The following SAXO1 variants were observed in gnomAD, a reference collection of about 807,000 sequenced individuals.
SAXO1 encodes the protein 4930500O09Rik.
A neutral mutation model predicts 17.5 loss-of-function variants in SAXO1; 21 were observed. That is an observed-to-expected ratio of 1.20 (90% confidence interval 0.85 to 1.72). The LOEUF is 1.72. Ranked by LOEUF, SAXO1 falls within the 40% of genes most tolerant of loss-of-function variation. The pLI, the probability that SAXO1 is intolerant of heterozygous loss-of-function variation, is 0.00. For synonymous variants in SAXO1, 274 were observed against 216.5 expected, an observed-to-expected ratio of 1.27 and a Z score of -2.33; for missense variants, 843 against 596.0, an observed-to-expected ratio of 1.41 and a Z score of -4.32.
At chr9:18,949,030 C>T (rs769525891) in intron 2 of SAXO1, among the ~76,000 whole-genome samples, 3 of 152,130 alleles carry the variant, frequency 2.0e-5, no homozygotes, top group African/African-American at 4.8e-5. Flanking sequence ...AAAACAAAAG[C>T]AATGCTCAGA....
intron 2 of SAXO1, 146 bp downstream of exon 2, chr9:18,950,612 T>C (rs527378034): frequency 3.0e-6 from 2 of 664,488 alleles, no homozygotes; most frequent in Admixed American, 6.2e-5. Flanking sequence ...TTCAGAGATA[T>C]AGTACATTAA....
At position 19,029,320 on chromosome 9, in the gene SAXO1, C is replaced by G. The variant is rs1054062694; in HGVS notation, c.38+3551G>C. On this transcript the variant is annotated intron_variant, in intron 1 of 3. Transcript: ENST00000380534. ...CCTCCCTGGCAGCCCTGAGGGTCTC[C>G]ACAAATCTCCAGGATTAAAAAATGG... Among the ~76,000 whole-genome samples, 5 of 152,278 alleles carry G rather than the reference C, an allele frequency of 3.3e-5. 1 individual carries two copies. Among genetic ancestry groups the G allele is most frequent in the Admixed American group, 1.3e-4 (2 of 15,290 alleles).
At chr9:18,981,219 A>C (rs1300301641) in intron 1 of SAXO1, among the ~76,000 whole-genome samples, 1 of 152,196 alleles carries the variant, frequency 6.6e-6, no homozygotes, top group African/African-American at 2.4e-5. Context: ...TAATGGAAAG[A>C]AGGGAAAGAA....
At chr9:19,020,734 TGATAAG>T (rs763849109) in intron 1 of SAXO1, among the ~76,000 whole-genome samples, 1 of 152,210 alleles carries the variant, frequency 6.6e-6, no homozygotes, top group Non-Finnish European at 1.5e-5. Context: ...TCAGCACACT[TGATAAG>T]GATGTCTTCT....
intron 2 of SAXO1, among the ~76,000 whole-genome samples, chr9:18,944,003 GC>G (rs1346948444): frequency 3.3e-5 from 5 of 152,332 alleles, no homozygotes; most frequent in Non-Finnish European, 5.9e-5. Flanking sequence ...CACGCTTATT[GC>G]GCATCTCCCA....
chr9:19,032,946 T>A lies in SAXO1; in HGVS notation c.-38A>T. The A allele has an allele frequency of 6.3e-7, 1 of 1,593,482 alleles. No individual in the cohort carries two copies. Among genetic ancestry groups the A allele is most frequent in the East Asian group, 2.3e-5 (1 of 44,298 alleles). On this transcript the variant is annotated 5_prime_UTR_variant, in exon 1 of 4. It removes an upstream start codon present in the reference 5' UTR. Transcript: ENST00000380534. ...GAGGCCCTGACGTCCCCTCAGAGCA[T>A]CGCCAGCTGCAGCCGACTCCTAGAC...
chr9:18,961,561 C>A (rs1396486311), intron 1 of SAXO1, among the ~76,000 whole-genome samples: 1 of 151,748 alleles, frequency 6.6e-6, no homozygotes, highest in Admixed American at 6.6e-5. Context: ...TTGTTCAACT[C>A]CCACTTATGA....
At position 18,986,329 on chromosome 9, in the gene SAXO1, G is replaced by A. The variant is rs189703652; in HGVS notation, c.39-35392C>T. On this transcript the variant is annotated intron_variant, in intron 1 of 3. Transcript: ENST00000380534. ...TCAAAATGTTTTAGCCCCTGGGCAGGAATTTATCACCCTTAGAATATTCCA... is the reference window on the plus strand; with the variant it reads ...TCAAAATGTTTTAGCCCCTGGGCAGAAATTTATCACCCTTAGAATATTCCA... Among the ~76,000 whole-genome samples, 22 of 152,310 alleles carry A rather than the reference G, an allele frequency of 1.4e-4. 2 individuals are homozygous for A. In the East Asian group the frequency reaches 3.7e-3, roughly 25 times the overall value.
intron 1 of SAXO1, among the ~76,000 whole-genome samples, chr9:19,039,954 C>T (rs1455668319): frequency 3.9e-5 from 6 of 152,204 alleles, no homozygotes; most frequent in Non-Finnish European, 4.4e-5. Flanking sequence ...GTTCTGAACT[C>T]CTCACCTCAG....
At chr9:19,026,673 T>C (rs1475211562) in intron 1 of SAXO1, among the ~76,000 whole-genome samples, 1 of 152,104 alleles carries the variant, frequency 6.6e-6, no homozygotes, top group East Asian at 1.9e-4. Flanking sequence ...AGTAAGATAA[T>C]AATATATGGG....
chr9:18,933,363 A>G (rs112653165), intron 3 of SAXO1, among the ~76,000 whole-genome samples: 87 of 152,332 alleles, frequency 5.7e-4, no homozygotes, highest in African/African-American at 2.1e-3. Flanking sequence ...TAAATCTCAT[A>G]GTTTTATAAA....
intron 3 of SAXO1, among the ~76,000 whole-genome samples, chr9:18,930,326 A>G (rs1415055205): frequency 3.3e-5 from 5 of 152,330 alleles, no homozygotes; most frequent in Non-Finnish European, 7.3e-5. Flanking sequence ...AATCTGCAGT[A>G]GAGATGGCCT....
At chr9:18,942,987 G>C (rs778797059) in intron 2 of SAXO1, among the ~76,000 whole-genome samples, 1 of 152,234 alleles carries the variant, frequency 6.6e-6, no homozygotes, top group Non-Finnish European at 1.5e-5. Context: ...ACAGGAAAAC[G>C]TTAGGCCCAA....
At chr9:18,970,626 T>G (rs1277041453) in intron 1 of SAXO1, among the ~76,000 whole-genome samples, 1 of 152,170 alleles carries the variant, frequency 6.6e-6, no homozygotes, top group Non-Finnish European at 1.5e-5. Flanking sequence ...AGTTGTGCTT[T>G]GAGTCTCAGC....
At chr9:18,937,513 A>G (rs887033891) in intron 3 of SAXO1, among the ~76,000 whole-genome samples, 1 of 152,140 alleles carries the variant, frequency 6.6e-6, no homozygotes, top group African/African-American at 2.4e-5. Flanking sequence ...CAATTAATAG[A>G]ATAAAAGTAT....
chr9:18,975,117 A>G lies in SAXO1; in HGVS notation c.39-24180T>C, dbSNP rs115723612. Among the ~76,000 whole-genome samples the G allele has an allele frequency of 7.8e-3, 1,183 of 152,304 alleles. 19 individuals are homozygous for G. Among genetic ancestry groups the G allele is most frequent in the African/African-American group, 0.027 (1,124 of 41,544 alleles). On this transcript the variant is annotated intron_variant, in intron 1 of 3. Coordinates refer to ENST00000380534, the MANE Select transcript of SAXO1 (RefSeq NM_153707.4). ...TGAAGGATGAGGCAGCTATGGAGAA[A>G]TAAGAGGCAAGAGATTTCCAGGGGA... is the stretch of plus-strand genomic sequence containing the variant.
At chr9:18,975,759 A>T (rs73431247) in intron 1 of SAXO1, among the ~76,000 whole-genome samples, 2,759 of 152,298 alleles carry the variant, frequency 0.018, 89 homozygotes, top group African/African-American at 0.062. Flanking sequence ...GTCAGAGCAC[A>T]TATTATGGTG....
intron 1 of SAXO1, among the ~76,000 whole-genome samples, chr9:19,014,875 G>A (rs1055381725): frequency 9.9e-5 from 15 of 152,176 alleles, no homozygotes; most frequent in African/African-American, 3.6e-4. Context: ...GGGTTAGGAA[G>A]TCAAGACCAA....
At chr9:19,000,422 G>C (rs1353361862) in intron 1 of SAXO1, among the ~76,000 whole-genome samples, 1 of 151,974 alleles carries the variant, frequency 6.6e-6, no homozygotes, top group African/African-American at 2.4e-5. Context: ...CCACAGTCTG[G>C]GAAGTGAGGA....
Sources: allele counts gnomAD v4.1 joint callset (sites outside exome capture counted in the v4.1 genomes callset), GRCh38; gene constraint gnomAD v4.1.1; transcripts MANE v1.5; gene names NCBI Gene and HGNC (gene_info 2026-07-23, HGNC 2026-07-21).